Variants in PCSK6 observed in about 807,000 individuals in gnomAD.
The protein encoded by PCSK6 is proprotein convertase subtilisin/kexin type 6, also known as paired basic amino acid cleaving enzyme 4.
Under a neutral mutation model 123.3 loss-of-function variants are expected in PCSK6, and 85 were observed. That is an observed-to-expected ratio of 0.69 (90% CI 0.58 to 0.83). The LOEUF is 0.83. Among genes scored for constraint, PCSK6 ranks in the 40% least tolerant of loss-of-function variants. The pLI, the probability that PCSK6 is intolerant of heterozygous loss-of-function variation, is 0.00. For synonymous variants in PCSK6, 508 were observed against 516.0 expected, an observed-to-expected ratio of 0.98 and a Z score of 0.21; for missense variants, 1,191 against 1,282.3, an observed-to-expected ratio of 0.93 and a Z score of 1.09.
chr15:101,446,134 C>T (rs189029722), intron 1 of PCSK6, among the ~76,000 whole-genome samples: 307 of 152,336 alleles, frequency 2.0e-3, no homozygotes, highest in African/African-American at 6.9e-3. Flanking sequence ...CACTTATGTC[C>T]GGCCTAGCAT....
At chr15:101,485,249 C>T (rs1440200686) in intron 1 of PCSK6, among the ~76,000 whole-genome samples, 1 of 152,206 alleles carries the variant, frequency 6.6e-6, no homozygotes. Context: ...TCTTCATTGA[C>T]TTCTCCATTC....
intron 7 of PCSK6, among the ~76,000 whole-genome samples, chr15:101,397,284 C>G (rs575930911): frequency 1.3e-5 from 2 of 151,982 alleles, no homozygotes; most frequent in African/African-American, 4.8e-5. Context: ...GGTTTGAAAA[C>G]AGATTCCTCC....
chr15:101,419,654 C>T (rs562278492), intron 6 of PCSK6, among the ~76,000 whole-genome samples: 3 of 151,160 alleles, frequency 2.0e-5, no homozygotes, highest in African/African-American at 4.9e-5. Flanking sequence ...TTTGCCCTAT[C>T]AGTTACCAAA....
At chr15:101,350,750 G>A (rs1042249950) in intron 13 of PCSK6, among the ~76,000 whole-genome samples, 4 of 152,268 alleles carry the variant, frequency 2.6e-5, no homozygotes, top group African/African-American at 7.2e-5. Flanking sequence ...AGCAGTGCAC[G>A]TTGAGCCTTG....
At chr15:101,333,484 T>C (rs73493327) in intron 13 of PCSK6, among the ~76,000 whole-genome samples, 4,747 of 152,268 alleles carry the variant, frequency 0.031, 266 homozygotes, top group African/African-American at 0.11. Flanking sequence ...TTTCCTGCCA[T>C]GGGGTTTCTT....
At chr15:101,324,197 C>A (rs11854011) in intron 17 of PCSK6, among the ~76,000 whole-genome samples, 1,719 of 152,300 alleles carry the variant, frequency 0.011, 30 homozygotes, top group African/African-American at 0.039. Context: ...GTCTAGTGTT[C>A]AGGGGTGCGG....
intron 1 of PCSK6, among the ~76,000 whole-genome samples, chr15:101,479,739 G>A (rs1008085276): frequency 2.2e-4 from 34 of 152,302 alleles, no homozygotes; most frequent in Admixed American, 9.8e-4. Context: ...TCTGGTGGGA[G>A]GGCCCTTATC....
intron 13 of PCSK6, among the ~76,000 whole-genome samples, chr15:101,351,592 C>T (rs1400874902): frequency 6.6e-6 from 1 of 152,162 alleles, no homozygotes; most frequent in Non-Finnish European, 1.5e-5. Flanking sequence ...ATTTATAATA[C>T]AAGCAATGTA....
chr15:101,321,998 A>G (rs943087844), intron 18 of PCSK6, among the ~76,000 whole-genome samples: 2 of 152,272 alleles, frequency 1.3e-5, no homozygotes, highest in African/African-American at 4.8e-5. Context: ...TTCCAAGAAC[A>G]ATCATTAACC....
chr15:101,424,139 G>T (rs1399353091), intron 6 of PCSK6, among the ~76,000 whole-genome samples: 1 of 152,026 alleles, frequency 6.6e-6, no homozygotes, highest in East Asian at 1.9e-4. Flanking sequence ...GGAGGCTCGG[G>T]TGGGAGGATC....
intron 1 of PCSK6, among the ~76,000 whole-genome samples, chr15:101,449,402 G>A (rs1022382958): frequency 6.6e-6 from 1 of 152,058 alleles, no homozygotes; most frequent in Non-Finnish European, 1.5e-5. Context: ...AACTGCATAT[G>A]TATTCAGGCG....
intron 1 of PCSK6, among the ~76,000 whole-genome samples, chr15:101,446,277 T>C (rs181766611): frequency 6.6e-6 from 1 of 152,384 alleles, no homozygotes; most frequent in East Asian, 1.9e-4. Flanking sequence ...GCTTATGTCA[T>C]TCAGCATAAT....
At chr15:101,443,459 G>C in intron 2 of PCSK6, 97 bp downstream of exon 2, 1 of 806,056 alleles carries the variant, frequency 1.2e-6, no homozygotes, top group Non-Finnish European at 2.1e-6. Flanking sequence ...GAAAACTCAT[G>C]TCTATCCAGA....
intron 15 of PCSK6, among the ~76,000 whole-genome samples, 167 bp from the exon 16 acceptor site, chr15:101,326,646 C>T (rs531101748): frequency 8.5e-5 from 13 of 152,328 alleles, no homozygotes; most frequent in African/African-American, 2.9e-4. Context: ...GCCGTCCCTG[C>T]GGGTAACAGG....
chr15:101,440,033 G>T (rs2056712363), intron 2 of PCSK6, among the ~76,000 whole-genome samples: 1 of 152,208 alleles, frequency 6.6e-6, no homozygotes, highest in Non-Finnish European at 1.5e-5. Context: ...AGCCAGCTTG[G>T]AACATAATCA....
intron 20 of PCSK6, chr15:101,307,696 G>A (rs916552927): frequency 1.4e-5 from 3 of 216,538 alleles, no homozygotes; most frequent in African/African-American, 2.3e-5. Flanking sequence ...TCTCTCCAGC[G>A]GCTGCCGGGC....
At chr15:101,324,725 T>C (rs2040207791) in intron 17 of PCSK6, 125 bp downstream of exon 17, 1 of 784,772 alleles carries the variant, frequency 1.3e-6, no homozygotes, top group Non-Finnish European at 2.0e-6. Context: ...CTGTTCAAAG[T>C]CCTTACTCAG....
intron 1 of PCSK6, among the ~76,000 whole-genome samples, chr15:101,460,861 A>G (rs528117812): frequency 3.9e-5 from 6 of 152,322 alleles, no homozygotes; most frequent in African/African-American, 1.2e-4. Context: ...TAATGAAAAT[A>G]CTATTTAGGA....
At chr15:101,403,068 A>G (rs1306270138) in intron 6 of PCSK6, among the ~76,000 whole-genome samples, 1 of 152,132 alleles carries the variant, frequency 6.6e-6, no homozygotes, top group African/African-American at 2.4e-5. Flanking sequence ...TGGCACATAT[A>G]CGCCATGGAA....
Sources: gnomAD v4.1 joint callset for allele counts (sites outside exome capture counted in the v4.1 genomes callset) on GRCh38, gnomAD v4.1.1 for gene constraint, MANE v1.5 for transcripts, NCBI Gene and HGNC (gene_info 2026-07-23, HGNC 2026-07-21) for gene names.